KIF6: variants seen among roughly 807,000 people sequenced by gnomAD.
KIF6 encodes the protein kinesin-like protein KIF6.
In KIF6, 106 loss-of-function variants were observed where a neutral mutation model predicts 112.7. The ratio of observed to expected loss-of-function variants is 0.94; its 90% confidence interval spans 0.80 to 1.11. KIF6 has a LOEUF of 1.11. KIF6 is among the 50% of genes least tolerant of loss of function. The pLI is 0.00. For missense variants in KIF6, 929 were observed against 964.0 expected (o/e 0.96, Z 0.48); for synonymous variants, 339 against 339.9 (o/e 1.00, Z 0.03).
At chr6:39,414,325 CA>C (rs1489768209) in intron 15 of KIF6, among the ~76,000 whole-genome samples, 17 of 152,146 alleles carry the variant, frequency 1.1e-4, no homozygotes, top group Non-Finnish European at 7.4e-5. Context: ...TTTTTTGAAG[CA>C]TCAGTAAACC....
chr6:39,564,333 C>A (rs1780167970), intron 10 of KIF6, among the ~76,000 whole-genome samples: 1 of 152,066 alleles, frequency 6.6e-6, no homozygotes, highest in Non-Finnish European at 1.5e-5. Context: ...ACAGAGGGAA[C>A]CACTGGGGAA....
chr6:39,487,683 T>TCAC (rs1160684406), intron 13 of KIF6, among the ~76,000 whole-genome samples: 3 of 152,166 alleles, frequency 2.0e-5, no homozygotes, highest in African/African-American at 4.8e-5. Context: ...GCATCTAAAT[T>TCAC]CACCACTGAA....
chr6:39,370,985 T>C (rs1367558172), intron 16 of KIF6, among the ~76,000 whole-genome samples: 2 of 152,144 alleles, frequency 1.3e-5, no homozygotes, highest in South Asian at 4.1e-4. Context: ...AGAGGGAGGT[T>C]AGGGGCATTT....
At chr6:39,661,665 G>A (rs1786156774) in intron 3 of KIF6, among the ~76,000 whole-genome samples, 1 of 152,158 alleles carries the variant, frequency 6.6e-6, no homozygotes, top group Non-Finnish European at 1.5e-5. Context: ...TAGGGCCATA[G>A]CAGAAAAGAG....
At chr6:39,467,277 T>G (rs1773850581) in intron 13 of KIF6, among the ~76,000 whole-genome samples, 1 of 152,136 alleles carries the variant, frequency 6.6e-6, no homozygotes, top group African/African-American at 2.4e-5. Context: ...GGAAAAGAGA[T>G]AGTTAATAAG....
intron 19 of KIF6, among the ~76,000 whole-genome samples, chr6:39,347,397 G>T (rs563749280): frequency 4.6e-5 from 7 of 152,350 alleles, no homozygotes; most frequent in Middle Eastern, 6.8e-3. Flanking sequence ...TGCTCACCTA[G>T]GCTGCTGACA....
At chr6:39,693,631 T>G (rs988201702) in intron 3 of KIF6, among the ~76,000 whole-genome samples, 2 of 151,812 alleles carry the variant, frequency 1.3e-5, no homozygotes, top group African/African-American at 4.8e-5. Context: ...AACAGAAATC[T>G]TGAAAAGACC....
intron 10 of KIF6, among the ~76,000 whole-genome samples, chr6:39,552,480 A>G (rs896374409): frequency 2.6e-5 from 4 of 152,218 alleles, no homozygotes; most frequent in Non-Finnish European, 5.9e-5. Context: ...TAACTTGCAT[A>G]TTGTCACTAA....
intron 13 of KIF6, among the ~76,000 whole-genome samples, chr6:39,536,370 T>A (rs1467802222): frequency 6.6e-5 from 10 of 151,926 alleles, no homozygotes; most frequent in East Asian, 5.8e-4. Flanking sequence ...CAATAAAAAA[T>A]GATAAAGGGG....
intron 16 of KIF6, among the ~76,000 whole-genome samples, chr6:39,377,448 CTAGGTG>C (rs1291456984): frequency 6.6e-6 from 1 of 151,234 alleles, no homozygotes; most frequent in African/African-American, 2.4e-5. Context: ...CTGGATCATG[CTAGGTG>C]CTCAGTGAAA....
chr6:39,557,660 T>C (rs1779777618), intron 10 of KIF6, among the ~76,000 whole-genome samples: 1 of 152,118 alleles, frequency 6.6e-6, no homozygotes, highest in Admixed American at 6.5e-5. Flanking sequence ...CAACAAAATT[T>C]TGTATATATT....
intron 7 of KIF6, among the ~76,000 whole-genome samples, chr6:39,592,940 A>T (rs1005265846): frequency 3.3e-5 from 5 of 152,226 alleles, no homozygotes; most frequent in African/African-American, 1.2e-4. Flanking sequence ...AGGTAAAGCA[A>T]GTTACCAAAT....
intron 3 of KIF6, among the ~76,000 whole-genome samples, chr6:39,648,294 G>T (rs930562191): frequency 1.3e-5 from 2 of 150,594 alleles, no homozygotes; most frequent in Admixed American, 6.6e-5. Flanking sequence ...CACCCACCTT[G>T]GCCTCCCAAA....
intron 13 of KIF6, among the ~76,000 whole-genome samples, chr6:39,503,872 G>GA (rs1394157585): frequency 7.0e-6 from 1 of 143,658 alleles, no homozygotes; most frequent in Non-Finnish European, 1.5e-5. Flanking sequence ...AAAGAAAAAA[G>GA]AAAAAAGAAA....
At chr6:39,596,706 A>G (rs1370014649) in intron 6 of KIF6, among the ~76,000 whole-genome samples, 1 of 152,238 alleles carries the variant, frequency 6.6e-6, no homozygotes, top group Non-Finnish European at 1.5e-5. Context: ...ACTACTCAAC[A>G]CTAAAGTGGA....
At chr6:39,450,825 A>C (rs1403445393) in intron 13 of KIF6, among the ~76,000 whole-genome samples, 2 of 152,214 alleles carry the variant, frequency 1.3e-5, no homozygotes, top group East Asian at 1.9e-4. Flanking sequence ...TTAATAAAAG[A>C]AGCAAGAAAA....
At chr6:39,396,661 T>A (rs1044146936) in intron 15 of KIF6, among the ~76,000 whole-genome samples, 1 of 152,134 alleles carries the variant, frequency 6.6e-6, no homozygotes, top group Non-Finnish European at 1.5e-5. Flanking sequence ...GAGCCTCAAT[T>A]TCTTCATTAA....
intron 20 of KIF6, among the ~76,000 whole-genome samples, chr6:39,346,065 TCTCTCTCTCTCTCTCTCTCTCCC>T: frequency 5.5e-5 from 1 of 18,114 alleles, no homozygotes; most frequent in East Asian, 1.4e-3. Flanking sequence ...TCTCTCTCTC[TCTCTCTCTCTCTCTCTCTCTCCC>T]CCCCCTCTCC....
intron 3 of KIF6, among the ~76,000 whole-genome samples, chr6:39,643,951 A>G (rs1785036271): frequency 6.6e-6 from 1 of 152,188 alleles, no homozygotes; most frequent in Admixed American, 6.5e-5. Context: ...TCCATAATCC[A>G]TAACATACAA....
Sources: gnomAD v4.1 joint callset for allele counts (sites outside exome capture counted in the v4.1 genomes callset) on GRCh38, gnomAD v4.1.1 for gene constraint, MANE v1.5 for transcripts, NCBI Gene and HGNC (gene_info 2026-07-23, HGNC 2026-07-21) for gene names.